RASAL2: variants seen among roughly 807,000 people sequenced by gnomAD.
RASAL2 encodes the protein ras GTPase-activating protein nGAP.
A neutral mutation model predicts 128.9 loss-of-function variants in RASAL2; 58 were observed. That is an observed-to-expected ratio of 0.45 (90% CI 0.36 to 0.56). RASAL2 has a LOEUF of 0.56. RASAL2 is among the 20% of genes least tolerant of loss of function. The pLI, the probability that RASAL2 is intolerant of heterozygous loss-of-function variation, is 0.00. For missense variants in RASAL2, 1,360 were observed against 1,601.6 expected, an observed-to-expected ratio of 0.85 and a Z score of 2.57; for synonymous variants, 561 against 580.8, an observed-to-expected ratio of 0.97 and a Z score of 0.49.
chr1:178,183,478 C>G (rs1231904525), intron 1 of RASAL2, among the ~76,000 whole-genome samples: 2 of 152,184 alleles, frequency 1.3e-5, no homozygotes, highest in East Asian at 3.9e-4. Flanking sequence ...TCCTGTACTT[C>G]ACCTGTTCAG....
At chr1:178,272,379 T>C (rs769490201) in intron 1 of RASAL2, among the ~76,000 whole-genome samples, 4 of 152,202 alleles carry the variant, frequency 2.6e-5, no homozygotes, top group Non-Finnish European at 5.9e-5. Context: ...CCTTATTTTA[T>C]TTATGAATTA....
At chr1:178,348,411 A>AG (rs548815143) in intron 3 of RASAL2, among the ~76,000 whole-genome samples, 10 of 152,216 alleles carry the variant, frequency 6.6e-5, no homozygotes, top group African/African-American at 2.4e-4. Flanking sequence ...CCCACCTCTC[A>AG]GCCTTCTGAG....
chr1:178,258,874 T>C (rs953546423), intron 1 of RASAL2, among the ~76,000 whole-genome samples: 4 of 152,144 alleles, frequency 2.6e-5, no homozygotes, highest in Admixed American at 2.6e-4. Context: ...CATCAACTGA[T>C]GAATGTATAA....
chr1:178,276,554 C>T (rs1439731753), intron 1 of RASAL2, among the ~76,000 whole-genome samples: 1 of 151,424 alleles, frequency 6.6e-6, no homozygotes, highest in East Asian at 2.0e-4. Context: ...ATTCTGTTGC[C>T]CAGGCAGAGT....
At chr1:178,127,379 C>T (rs1659938640) in intron 1 of RASAL2, among the ~76,000 whole-genome samples, 1 of 152,064 alleles carries the variant, frequency 6.6e-6, no homozygotes, top group Non-Finnish European at 1.5e-5. Context: ...TTTAAAGGCA[C>T]AAGGAAATGG....
chr1:178,360,613 G>C (rs1483532511), intron 3 of RASAL2, among the ~76,000 whole-genome samples: 1 of 152,188 alleles, frequency 6.6e-6, no homozygotes, highest in Non-Finnish European at 1.5e-5. Flanking sequence ...GTTACAGGCT[G>C]CTCCACTGCA....
chr1:178,249,605 T>G (rs1006707053), intron 1 of RASAL2, among the ~76,000 whole-genome samples: 1 of 152,052 alleles, frequency 6.6e-6, no homozygotes, highest in Non-Finnish European at 1.5e-5. Flanking sequence ...TTGTGATCAT[T>G]TGGAGAAGAG....
intron 1 of RASAL2, among the ~76,000 whole-genome samples, chr1:178,118,424 A>G (rs548462623): frequency 6.6e-6 from 1 of 152,176 alleles, no homozygotes; most frequent in Non-Finnish European, 1.5e-5. Context: ...TTGTCGTGCA[A>G]CTAGATGGTC....
chr1:178,267,758 T>G (rs563646940), intron 1 of RASAL2, among the ~76,000 whole-genome samples: 2 of 151,580 alleles, frequency 1.3e-5, no homozygotes, highest in Non-Finnish European at 1.5e-5. Context: ...TCTCCTGACC[T>G]CGTGATCACC....
At chr1:178,289,372 C>T (rs1014296633) in intron 2 of RASAL2, among the ~76,000 whole-genome samples, 2 of 152,090 alleles carry the variant, frequency 1.3e-5, no homozygotes, top group Admixed American at 6.5e-5. Flanking sequence ...CATGGAAGCG[C>T]CATGGGACCT....
chr1:178,365,303 C>A (rs911632488), intron 3 of RASAL2, among the ~76,000 whole-genome samples: 7 of 152,020 alleles, frequency 4.6e-5, no homozygotes, highest in African/African-American at 9.7e-5. Flanking sequence ...TACTATATCT[C>A]CTCACTAAAA....
rs397982072 is a variant in RASAL2, at chr1:178,136,756, C to CAAAAAAAAAAAAAAAAAA, written c.202+42075_202+42092dup. Among the ~76,000 whole-genome samples, 2 of 47,206 alleles carry CAAAAAAAAAAAAAAAAAA rather than the reference C, an allele frequency of 4.2e-5. 1 individual carries two copies. Among genetic ancestry groups the CAAAAAAAAAAAAAAAAAA allele is most frequent in the African/African-American group, 2.0e-4 (2 of 9,798 alleles). 31.0% of individuals were successfully genotyped at this position (47,206 alleles called of 152,430 possible). The stretch of plus-strand genomic sequence containing the variant: ...TAGGTGACAAAGTGAGACTCTGTCT[C>CAAAAAAAAAAAAAAAAAA]AAAAAAAAAAAAAAAAAAAAAAAAA... On this transcript the variant is annotated intron_variant, in intron 1 of 17. Coordinates refer to ENST00000367649, the MANE Select transcript of RASAL2 (RefSeq NM_170692.4).
At chr1:178,172,466 G>A (rs142415806) in intron 1 of RASAL2, among the ~76,000 whole-genome samples, 78 of 152,022 alleles carry the variant, frequency 5.1e-4, no homozygotes, top group African/African-American at 1.8e-3. Flanking sequence ...ATCTAATATT[G>A]TTATCCCTAG....
intron 1 of RASAL2, among the ~76,000 whole-genome samples, chr1:178,239,762 C>G (rs773591175): frequency 6.6e-6 from 1 of 151,912 alleles, no homozygotes; most frequent in Non-Finnish European, 1.5e-5. Context: ...TGTGATGATT[C>G]TAATATGTGG....
intron 1 of RASAL2, among the ~76,000 whole-genome samples, chr1:178,271,131 T>A (rs1666232490): frequency 6.6e-6 from 1 of 152,202 alleles, no homozygotes. Context: ...TAAACAGATT[T>A]TATACTACCC....
chr1:178,275,580 A>G (rs1666466254), intron 1 of RASAL2, among the ~76,000 whole-genome samples: 1 of 152,220 alleles, frequency 6.6e-6, no homozygotes, highest in Non-Finnish European at 1.5e-5. Context: ...ACCTTTATCA[A>G]ATATCAAGTT....
chr1:178,352,972 C>T (rs1185913037), intron 3 of RASAL2, among the ~76,000 whole-genome samples: 8 of 152,222 alleles, frequency 5.3e-5, no homozygotes, highest in Admixed American at 5.2e-4. Flanking sequence ...TGGGCCTGGC[C>T]CACAGAACCA....
chr1:178,391,891 G>T (rs1045581144), intron 4 of RASAL2, among the ~76,000 whole-genome samples: 1 of 152,002 alleles, frequency 6.6e-6, no homozygotes, highest in African/African-American at 2.4e-5. Context: ...GCTATGGTGA[G>T]CAGTAGGTTT....
intron 6 of RASAL2, 136 bp downstream of exon 6, chr1:178,439,711 A>C: frequency 1.3e-6 from 1 of 776,406 alleles, no homozygotes; most frequent in East Asian, 3.0e-5. Context: ...TTATCTACTT[A>C]CAGAGAAAAA....
Sources: allele counts gnomAD v4.1 joint callset (sites outside exome capture counted in the v4.1 genomes callset), GRCh38; gene constraint gnomAD v4.1.1; transcripts MANE v1.5; gene names NCBI Gene and HGNC (gene_info 2026-07-23, HGNC 2026-07-21).